The following RNF38 variants were observed in gnomAD, a reference collection of about 807,000 sequenced individuals.
RNF38 encodes the protein E3 ubiquitin-protein ligase RNF38.
RNF38 carries 15 observed loss-of-function variants against 67.2 expected under a neutral mutation model. The ratio of observed to expected loss-of-function variants is 0.22; its 90% CI spans 0.15 to 0.34. The LOEUF (loss-of-function observed/expected upper bound fraction) is 0.34. Ranked by LOEUF, RNF38 falls within the 10% of genes least tolerant of loss-of-function variation. The pLI, the probability that RNF38 is intolerant of heterozygous loss-of-function variation, is 1.00. For missense variants in RNF38, 524 were observed against 639.9 expected, an observed-to-expected ratio of 0.82 and a Z score of 1.95; for synonymous variants, 220 against 218.8, an observed-to-expected ratio of 1.01 and a Z score of -0.05.
At chr9:36,344,765 T>C in intron 10 of RNF38, 67 bp downstream of exon 10, 1 of 1,518,162 alleles carries the variant, frequency 6.6e-7, no homozygotes, top group Non-Finnish European at 9.1e-7. Flanking sequence ...CCTTAATGAC[T>C]CTTAAGCTTT....
intron 1 of RNF38, among the ~76,000 whole-genome samples, chr9:36,438,733 TGAAA>T (rs551662728): frequency 7.1e-4 from 108 of 152,190 alleles, no homozygotes; most frequent in African/African-American, 2.5e-3. Flanking sequence ...TATTTCTACC[TGAAA>T]GAAAGAATCT....
chr9:36,364,956 T>C (rs1466013757), intron 4 of RNF38, among the ~76,000 whole-genome samples: 1 of 152,198 alleles, frequency 6.6e-6, no homozygotes, highest in Admixed American at 6.5e-5. Context: ...CTTAAAGAGC[T>C]AGAAAGTGAA....
intron 3 of RNF38, 23 bp downstream of exon 3, chr9:36,375,908 TAAG>T: frequency 6.4e-7 from 1 of 1,572,976 alleles, no homozygotes; most frequent in Non-Finnish European, 8.6e-7. Context: ...GAAGAAAACT[TAAG>T]AAATAAATTG....
At chr9:36,390,644 T>C in intron 1 of RNF38, 28 bp from the exon 2 acceptor site, 3 of 1,612,358 alleles carry the variant, frequency 1.9e-6, no homozygotes, top group Non-Finnish European at 2.5e-6. Context: ...AAAAGGATAG[T>C]TCATGGCTAG....
intron 2 of RNF38, among the ~76,000 whole-genome samples, chr9:36,420,197 A>T (rs1218840397): frequency 6.6e-6 from 1 of 152,184 alleles, no homozygotes; most frequent in Non-Finnish European, 1.5e-5. Context: ...ACTGGAATAA[A>T]GCAGTCCCTA....
At chr9:36,394,200 GGGA>G (rs1564037205) in intron 1 of RNF38, among the ~76,000 whole-genome samples, 3 of 152,052 alleles carry the variant, frequency 2.0e-5, no homozygotes. Context: ...ACTTGAATCC[GGGA>G]GGTGGAGGTT....
At chr9:36,427,507 T>G (rs1838802825) in intron 1 of RNF38, among the ~76,000 whole-genome samples, 1 of 152,128 alleles carries the variant, frequency 6.6e-6, no homozygotes, top group Non-Finnish European at 1.5e-5. Flanking sequence ...AGAGAGCTCA[T>G]GAATAGGATC....
At chr9:36,461,359 C>G (rs953524691) in intron 1 of RNF38, among the ~76,000 whole-genome samples, 1 of 152,142 alleles carries the variant, frequency 6.6e-6, no homozygotes, top group African/African-American at 2.4e-5. Context: ...CTTCTTTAGA[C>G]TGAGTAGTCA....
intron 11 of RNF38, 29 bp downstream of exon 11, chr9:36,342,296 C>A: frequency 6.9e-7 from 1 of 1,457,690 alleles, no homozygotes; most frequent in South Asian, 1.1e-5. Context: ...AATTCAATGT[C>A]ATTTCCTTTA....
At chr9:36,431,030 G>C (rs1292928756) in intron 1 of RNF38, among the ~76,000 whole-genome samples, 2 of 152,124 alleles carry the variant, frequency 1.3e-5, no homozygotes, top group Non-Finnish European at 2.9e-5. Flanking sequence ...AGTCCCACAA[G>C]ACTGCCTCCC....
At chr9:36,376,793 G>T (rs1219294581) in intron 2 of RNF38, among the ~76,000 whole-genome samples, 1 of 152,000 alleles carries the variant, frequency 6.6e-6, no homozygotes, top group Non-Finnish European at 1.5e-5. Flanking sequence ...GGGCGTGGTG[G>T]CACATGCCTG....
At position 36,484,853 on chromosome 9, in the gene RNF38, A is replaced by G. The variant is rs550986365; in HGVS notation, n.241+2455T>C. On this transcript the variant is annotated intron_variant and non_coding_transcript_variant, in intron 1 of 3. Transcript: ENST00000488058. ...TTATTTTTCACAGCTGTAATATTCAACTGTATGGGTCTATCTAAAAATGTA... is the reference window on the plus strand; with the variant it reads ...TTATTTTTCACAGCTGTAATATTCAGCTGTATGGGTCTATCTAAAAATGTA... 1.6e-4 allele frequency among the ~76,000 whole-genome samples: 25 copies of G among 152,312 alleles called. No homozygotes were observed. In the South Asian group the frequency reaches 5.2e-3, roughly 32 times the overall value.
chr9:36,461,651 G>C (rs1377494936), intron 1 of RNF38, among the ~76,000 whole-genome samples: 1 of 152,166 alleles, frequency 6.6e-6, no homozygotes, highest in Non-Finnish European at 1.5e-5. Context: ...AGATGGGATA[G>C]CTTCAGTGAA....
intron 1 of RNF38, among the ~76,000 whole-genome samples, chr9:36,456,698 T>C (rs1839604012): frequency 6.6e-6 from 1 of 152,054 alleles, no homozygotes; most frequent in Non-Finnish European, 1.5e-5. Flanking sequence ...TGAATACTCA[T>C]TGTTTTTCCA....
intron 3 of RNF38, among the ~76,000 whole-genome samples, chr9:36,374,307 A>AAAAC (rs2133834016): frequency 6.6e-6 from 1 of 152,336 alleles, no homozygotes. Flanking sequence ...CTGCCATAAC[A>AAAAC]AAACATTGCA....
chr9:36,402,425 A>G (rs1838070728), upstream of RNF38, among the ~76,000 whole-genome samples: 1 of 151,670 alleles, frequency 6.6e-6, no homozygotes, highest in Non-Finnish European at 1.5e-5. Context: ...TATCCTCTGT[A>G]TCCCTCACAA....
intron 9 of RNF38, among the ~76,000 whole-genome samples, chr9:36,347,763 C>T (rs1833381600): frequency 6.6e-6 from 1 of 152,180 alleles, no homozygotes; most frequent in African/African-American, 2.4e-5. Context: ...GGAAGAGTCA[C>T]ATGTGTCTCA....
Position 36,342,334 on chromosome 9 carries a change from T to C in RNF38, c.1476A>G (p.Lys492=). The C allele has an allele frequency of 6.2e-7, 1 of 1,608,628 alleles. No individual in the cohort carries two copies. The highest frequency in any genetic ancestry group is 8.5e-7 in the Non-Finnish European group (1 of 1,175,008). ...NHEFHAKCVD[K]WLKANRTCPI... ...GATGTCATCACTTTACCTTAAGCCA[T>C]TTGTCAACACACTTGGCATGGAACT... The change falls in exon 11 of 12, where the codon AAA becomes AAG. Residue 492 remains lysine (K), a synonymous_variant. Transcript: ENST00000259605.
intron 1 of RNF38, among the ~76,000 whole-genome samples, chr9:36,473,922 G>A (rs926688355): frequency 1.1e-4 from 17 of 148,612 alleles, no homozygotes; most frequent in African/African-American, 4.0e-4. Flanking sequence ...GGAGGCGGAC[G>A]TTGCAGCGAG....
Sources: allele counts gnomAD v4.1 joint callset (sites outside exome capture counted in the v4.1 genomes callset), GRCh38; gene constraint gnomAD v4.1.1; transcripts MANE v1.5; gene names NCBI Gene and HGNC (gene_info 2026-07-23, HGNC 2026-07-21).